Variants in NPL observed in about 807,000 individuals in gnomAD.
NPL encodes N-acetylneuraminate lyase.
Under a neutral mutation model 41.1 loss-of-function variants are expected in NPL, and 32 were observed. That is an observed-to-expected ratio of 0.78 (90% confidence interval 0.59 to 1.05). The LOEUF is 1.05. NPL is among the 50% of genes least tolerant of loss of function. NPL has a pLI of 0.00. For missense variants in NPL, 321 were observed against 378.4 expected, an observed-to-expected ratio of 0.85 and a Z score of 1.26; for synonymous variants, 128 against 134.9, an observed-to-expected ratio of 0.95 and a Z score of 0.35.
At chr1:182,793,083 T>G (rs1666561013) in intron 2 of NPL, among the ~76,000 whole-genome samples, 1 of 152,248 alleles carries the variant, frequency 6.6e-6, no homozygotes, top group Admixed American at 6.5e-5. Flanking sequence ...CCACTATCTT[T>G]TGTAGAATTG....
At chr1:182,802,924 A>C (rs1011988249) in intron 3 of NPL, among the ~76,000 whole-genome samples, 2 of 152,334 alleles carry the variant, frequency 1.3e-5, no homozygotes, top group Admixed American at 6.5e-5. Context: ...CATGTGTCTA[A>C]TAAAGTCCCC....
intron 3 of NPL, among the ~76,000 whole-genome samples, chr1:182,800,106 T>C (rs934500963): frequency 1.3e-5 from 2 of 151,928 alleles, no homozygotes; most frequent in African/African-American, 4.8e-5. Context: ...GTGATGAAAA[T>C]AGACCTAGGT....
chr1:182,799,240 T>C (rs1315375697), intron 3 of NPL, among the ~76,000 whole-genome samples: 3 of 152,196 alleles, frequency 2.0e-5, no homozygotes, highest in Non-Finnish European at 4.4e-5. Context: ...AACAGAAGAC[T>C]TTCTTCCGCT....
At position 182,812,147 on chromosome 1, in the gene NPL, C is replaced by G; in HGVS notation, c.231-9C>G. On this transcript the variant is annotated splice_polypyrimidine_tract_variant and intron_variant, in intron 5 of 12. Coordinates refer to ENST00000367553, the MANE Select transcript of NPL (RefSeq NM_030769.3). ...TCTAAGCGATGCAGCAGTGTTTTTTCTTTTGCAGGCTGGATCAGGTGATAA... is the reference window on the plus strand; with the variant it reads ...TCTAAGCGATGCAGCAGTGTTTTTTGTTTTGCAGGCTGGATCAGGTGATAA... The G allele has an allele frequency of 6.2e-7, 1 of 1,613,834 alleles. No homozygotes were observed.
chr1:182,826,168 T>C, intron 12 of NPL: 1 of 337,644 alleles, frequency 3.0e-6, no homozygotes, highest in East Asian at 6.1e-5. Flanking sequence ...GCAGTCTAAA[T>C]ACAGATTTTA....
intron 5 of NPL, chr1:182,806,449 C>T (rs1417512207): frequency 6.5e-7 from 1 of 1,536,728 alleles, no homozygotes; most frequent in Admixed American, 2.0e-5. Context: ...ACACACCTGC[C>T]ACCCAGAGGT....
chr1:182,816,750 C>G lies in NPL; in HGVS notation c.401C>G (p.Ala134Gly), dbSNP rs771476775. Residue 134 changes from alanine to glycine, a missense_variant, in exon 8 of 13, where the codon GCC becomes GGC. Coordinates refer to ENST00000367553, the MANE Select transcript of NPL (RefSeq NM_030769.3). Reference sequence around the variant, plus strand: ...AATTTCCTAAAGGAAGTGGCTGCTGCCGCCCCTGCCCTGCCATTTTATTAC... The same window carrying G: ...AATTTCCTAAAGGAAGTGGCTGCTGGCGCCCCTGCCCTGCCATTTTATTAC... ...LINFLKEVAAAAPALPFYYYH... is the reference protein window; with the variant it reads ...LINFLKEVAAGAPALPFYYYH... 1.1e-5 allele frequency: 17 copies of G among 1,612,624 alleles called. No individual in the cohort carries two copies. In the African/African-American group the frequency reaches 2.3e-4, roughly 22 times the overall value.
rs371654437 is a variant in NPL at position 182,828,691 on chromosome 1, A to C, written c.779-33A>C. The C allele has an allele frequency of 1.9e-6, 3 of 1,613,928 alleles. No individual in the cohort carries two copies. The African/African-American group carries it at 4.0e-5, about 22-fold the overall frequency. ...TTTTTGTGGAGAGATAGACGGTACC[A>C]GTCATGTTTCCTCATTTGTTTTTCC... On this transcript the variant is annotated intron_variant, in intron 12 of 12. Transcript: ENST00000367553. The surrounding 1 kb of genome is among the most constrained non-coding windows in gnomAD (Gnocchi z 4.0).
intron 6 of NPL, among the ~76,000 whole-genome samples, chr1:182,813,973 G>A (rs1667252718): frequency 6.6e-6 from 1 of 152,160 alleles, no homozygotes. Context: ...GTTTACTTCT[G>A]CAGAAAGATA....
chr1:182,812,142 T>A lies in NPL; in HGVS notation c.231-14T>A. ...TAAACTCTAAGCGATGCAGCAGTGT[T>A]TTTTCTTTTGCAGGCTGGATCAGGT... On this transcript the variant is annotated splice_polypyrimidine_tract_variant and intron_variant, in intron 5 of 12. Transcript: ENST00000367553. 1 of 1,613,788 alleles carries A rather than the reference T, an allele frequency of 6.2e-7. No homozygotes were observed. Among genetic ancestry groups the A allele is most frequent in the East Asian group, 2.2e-5 (1 of 44,880 alleles).
intron 3 of NPL, among the ~76,000 whole-genome samples, chr1:182,801,400 G>A (rs779956884): frequency 1.3e-5 from 2 of 152,140 alleles, no homozygotes; most frequent in Admixed American, 6.5e-5. Context: ...AGGGTAGGTC[G>A]AAGCACTATC....
intron 10 of NPL, among the ~76,000 whole-genome samples, chr1:182,821,037 C>A (rs1334920110): frequency 6.6e-6 from 1 of 152,114 alleles, no homozygotes; most frequent in African/African-American, 2.4e-5. Context: ...TCTGTCTAAC[C>A]AGGGATACAC....
At chr1:182,795,283 T>G (rs889825875) in intron 3 of NPL, among the ~76,000 whole-genome samples, 17 of 152,206 alleles carry the variant, frequency 1.1e-4, no homozygotes, top group African/African-American at 4.1e-4. Context: ...CTATGTAATA[T>G]TATAATAATA....
Position 182,794,361 on chromosome 1 carries a change from C to T in NPL, c.-11C>T. ...TTACATTGTATGTTTTCCAGACCTA[C>T]CAGCAGCTCAATGGCCTTCCCAAAG... On this transcript the variant is annotated 5_prime_UTR_variant, in exon 3 of 13. Transcript: ENST00000367553. 1 of 1,613,748 alleles carries T rather than the reference C, an allele frequency of 6.2e-7. No individual in the cohort carries two copies. Among genetic ancestry groups the T allele is most frequent in the Non-Finnish European group, 8.5e-7 (1 of 1,179,616 alleles).
At chr1:182,815,807 A>G (rs1667313078) in intron 7 of NPL, among the ~76,000 whole-genome samples, 1 of 152,084 alleles carries the variant, frequency 6.6e-6, no homozygotes, top group African/African-American at 2.4e-5. Context: ...GGATGTTGGT[A>G]TGTTGCCCAG....
intron 3 of NPL, among the ~76,000 whole-genome samples, chr1:182,802,909 G>A (rs1465982464): frequency 1.3e-5 from 2 of 152,194 alleles, no homozygotes; most frequent in Admixed American, 6.5e-5. Flanking sequence ...TGGGGCTTGG[G>A]ATTCCATGTG....
At chr1:182,814,912 C>T (rs1260646422) in intron 7 of NPL, 54 bp downstream of exon 7, 2 of 1,392,630 alleles carry the variant, frequency 1.4e-6, no homozygotes, top group Admixed American at 3.4e-5. Context: ...TTCTTCTTGC[C>T]TCCATTCAAA....
intron 4 of NPL, among the ~76,000 whole-genome samples, chr1:182,804,451 T>C (rs1666947077): frequency 6.6e-6 from 1 of 152,214 alleles, no homozygotes; most frequent in African/African-American, 2.4e-5. Context: ...AAGAATGGGC[T>C]TTATTCTGTC....
intron 11 of NPL, among the ~76,000 whole-genome samples, chr1:182,823,702 T>C (rs527975408): frequency 2.0e-5 from 3 of 152,342 alleles, no homozygotes; most frequent in East Asian, 1.9e-4. Flanking sequence ...ATGGAAATCA[T>C]AGATGGAGTA....
Sources: allele counts gnomAD v4.1 joint callset (sites outside exome capture counted in the v4.1 genomes callset), GRCh38; gene constraint gnomAD v4.1.1; non-coding constraint Gnocchi (gnomAD v3.1); transcripts MANE v1.5; gene names NCBI Gene and HGNC (gene_info 2026-07-23, HGNC 2026-07-21).